Variants in ANKRD6 observed in about 807,000 individuals in gnomAD.
ANKRD6 encodes the protein ankyrin repeat domain 6.
Under a neutral mutation model 82.3 loss-of-function variants are expected in ANKRD6, and 56 were observed. The ratio of observed to expected loss-of-function variants is 0.68; its 90% CI spans 0.55 to 0.85. The LOEUF (loss-of-function observed/expected upper bound fraction) is 0.85, where lower values mean the gene tolerates loss of function less well. Ranked by LOEUF, ANKRD6 falls within the 40% of genes least tolerant of loss-of-function variation. The probability of loss-of-function intolerance (pLI) is 0.00; values close to 1 mark genes in which losing one functional copy is unlikely to be tolerated. For synonymous variants in ANKRD6, 347 were observed against 352.1 expected, an observed-to-expected ratio of 0.99 and a Z score of 0.16; for missense variants, 852 against 907.6, an observed-to-expected ratio of 0.94 and a Z score of 0.79.
intron 1 of ANKRD6, among the ~76,000 whole-genome samples, chr6:89,506,426 T>C (rs34238758): frequency 6.6e-6 from 1 of 152,206 alleles, no homozygotes; most frequent in Admixed American, 6.5e-5. Context: ...GCTATTCTTC[T>C]GCTTCAGCCT....
At chr6:89,629,526 A>C in intron 15 of ANKRD6, 1 of 407,554 alleles carries the variant, frequency 2.5e-6, no homozygotes, top group Non-Finnish European at 4.7e-6. Context: ...ATCAGAGTGG[A>C]CCCCAAAGAT....
intron 1 of ANKRD6, among the ~76,000 whole-genome samples, chr6:89,451,473 C>T (rs1030571905): frequency 4.6e-5 from 7 of 152,162 alleles, no homozygotes; most frequent in African/African-American, 1.7e-4. Context: ...TTCTCCCCTC[C>T]AAAATGTGTG....
At chr6:89,463,175 C>T (rs1004514175) in intron 1 of ANKRD6, among the ~76,000 whole-genome samples, 3 of 152,098 alleles carry the variant, frequency 2.0e-5, no homozygotes, top group Non-Finnish European at 4.4e-5. Flanking sequence ...GCTATAATTT[C>T]TAATATATAT....
At chr6:89,451,616 A>G (rs754880485) in intron 1 of ANKRD6, among the ~76,000 whole-genome samples, 20 of 152,156 alleles carry the variant, frequency 1.3e-4, no homozygotes, top group Non-Finnish European at 2.6e-4. Flanking sequence ...ACCAAAACCC[A>G]GTTTTGCCTT....
chr6:89,438,170 C>T (rs1228367912), intron 1 of ANKRD6, among the ~76,000 whole-genome samples: 1 of 152,198 alleles, frequency 6.6e-6, no homozygotes, highest in Non-Finnish European at 1.5e-5. Context: ...ATTCTGTATG[C>T]TGTAAGGTAG....
At chr6:89,589,549 A>G (rs143787874) in intron 2 of ANKRD6, among the ~76,000 whole-genome samples, 2 of 152,304 alleles carry the variant, frequency 1.3e-5, no homozygotes, top group African/African-American at 4.8e-5. Context: ...CATTATCTTA[A>G]CGGGAATTCT....
intron 1 of ANKRD6, among the ~76,000 whole-genome samples, chr6:89,552,233 A>C (rs142447416): frequency 6.6e-6 from 1 of 152,218 alleles, no homozygotes; most frequent in East Asian, 1.9e-4. Context: ...CATGTCCTCC[A>C]CCTAACTGGA....
In ANKRD6 at chr6:89,470,592, G is replaced by A. The variant is rs181472461; in HGVS notation, c.-144+37217G>A. Among the ~76,000 whole-genome samples, 333 of 152,120 alleles carry A rather than the reference G, an allele frequency of 2.2e-3. 3 individuals are homozygous for A. Among genetic ancestry groups the A allele is most frequent in the African/African-American group, 7.7e-3 (319 of 41,504 alleles). On this transcript the variant is annotated intron_variant, in intron 1 of 15. Transcript: ENST00000339746. ...GCTGAGATCGTGCCACTGCAGCCTA[G>A]GTGACAAAGTGAGACCCTGCCTCAA...
intron 1 of ANKRD6, among the ~76,000 whole-genome samples, chr6:89,470,595 G>A (rs769308692): frequency 1.3e-5 from 2 of 151,762 alleles, no homozygotes; most frequent in Non-Finnish European, 2.9e-5. Flanking sequence ...CAGCCTAGGT[G>A]ACAAAGTGAG....
At chr6:89,605,716 T>C (rs1212808000) in intron 4 of ANKRD6, among the ~76,000 whole-genome samples, 1 of 152,168 alleles carries the variant, frequency 6.6e-6, no homozygotes, top group East Asian at 1.9e-4. Flanking sequence ...CTCTCTCAAC[T>C]GGGGTTCCTA....
rs1227274602 is a variant in ANKRD6 at position 89,445,264 on chromosome 6, C to CTTTTTTT, written c.-144+11907_-144+11913dup. Among the ~76,000 whole-genome samples, 23 of 64,082 alleles carry CTTTTTTT rather than the reference C, an allele frequency of 3.6e-4. 1 individual carries two copies. Among genetic ancestry groups the CTTTTTTT allele is most frequent in the Admixed American group, 7.0e-4 (3 of 4,264 alleles). 42.0% of individuals were successfully genotyped at this position (64,082 alleles called of 152,430 possible). On this transcript the variant is annotated intron_variant, in intron 1 of 15. Coordinates refer to ENST00000339746, the MANE Select transcript of ANKRD6 (RefSeq NM_001242809.2). Reference sequence around the variant, plus strand: ...CGGTGATCTGTGATCAGAGATCTTTCTTTTTTTTTTTTTTTTTTTTTTTTG... The same window carrying CTTTTTTT: ...CGGTGATCTGTGATCAGAGATCTTTCTTTTTTTTTTTTTTTTTTTTTTTTTTTTTTTG...
At chr6:89,511,232 A>G (rs1780511919) in intron 1 of ANKRD6, among the ~76,000 whole-genome samples, 1 of 152,120 alleles carries the variant, frequency 6.6e-6, no homozygotes, top group Non-Finnish European at 1.5e-5. Flanking sequence ...TTCTCCTCTC[A>G]GGTTCCTGGC....
At chr6:89,488,888 C>CTATTCTATTG (rs1473987109) in intron 1 of ANKRD6, among the ~76,000 whole-genome samples, 1 of 151,584 alleles carries the variant, frequency 6.6e-6, no homozygotes, top group African/African-American at 2.4e-5. Flanking sequence ...CTATTCTATT[C>CTATTCTATTG]TATTCTATTC....
chr6:89,495,199 C>T (rs113772454), intron 1 of ANKRD6, among the ~76,000 whole-genome samples: 23,212 of 152,192 alleles, frequency 0.15, 2,093 homozygotes, highest in South Asian at 0.36. Flanking sequence ...TGCCACTGCA[C>T]GCCAGCCTGG....
At chr6:89,544,475 G>A (rs1023719877) in intron 1 of ANKRD6, among the ~76,000 whole-genome samples, 2 of 152,140 alleles carry the variant, frequency 1.3e-5, no homozygotes, top group Non-Finnish European at 2.9e-5. Flanking sequence ...CAGCACTTTG[G>A]AGGCCAAGGC....
At position 89,473,814 on chromosome 6, in the gene ANKRD6, A is replaced by G. The variant is rs1349760250; in HGVS notation, c.-144+40439A>G. Among the ~76,000 whole-genome samples the G allele has an allele frequency of 2.0e-5, 3 of 151,730 alleles. No homozygotes were observed. The East Asian group carries it at 5.8e-4, about 30-fold the overall frequency. On this transcript the variant is annotated intron_variant, in intron 1 of 15. Coordinates refer to ENST00000339746, the MANE Select transcript of ANKRD6 (RefSeq NM_001242809.2). Reference sequence around the variant, plus strand: ...GTCAACATGGTGAAACCTCATCTCTACTTAAAAAAAAAAAAATTAGCAGGA... The same window carrying G: ...GTCAACATGGTGAAACCTCATCTCTGCTTAAAAAAAAAAAAATTAGCAGGA...
At chr6:89,506,274 T>C (rs1240938314) in intron 1 of ANKRD6, among the ~76,000 whole-genome samples, 1 of 152,216 alleles carries the variant, frequency 6.6e-6, no homozygotes, top group Non-Finnish European at 1.5e-5. Context: ...CATTTAGGAA[T>C]GTATGCATAT....
intron 1 of ANKRD6, among the ~76,000 whole-genome samples, chr6:89,496,576 G>A (rs1162476149): frequency 2.0e-5 from 3 of 152,134 alleles, no homozygotes; most frequent in Non-Finnish European, 4.4e-5. Context: ...AGGCTGGAGT[G>A]CAGTGGTGCG....
Position 89,623,391 on chromosome 6 carries a change from G to T in ANKRD6, c.898-19G>T. The T allele has an allele frequency of 1.2e-6, 2 of 1,604,762 alleles. No homozygotes were observed. Among genetic ancestry groups the T allele is most frequent in the Non-Finnish European group, 1.7e-6 (2 of 1,176,764 alleles). ...AAGGAAGCAAACACAATGGGTCTCT[G>T]GGCTTTTTCCTTCTGTAGGGCAGTG... On this transcript the variant is annotated intron_variant, in intron 10 of 15. Coordinates refer to ENST00000339746, the MANE Select transcript of ANKRD6 (RefSeq NM_001242809.2).
Sources: gnomAD v4.1 joint callset for allele counts (sites outside exome capture counted in the v4.1 genomes callset) on GRCh38, gnomAD v4.1.1 for gene constraint, MANE v1.5 for transcripts, NCBI Gene and HGNC (gene_info 2026-07-23, HGNC 2026-07-21) for gene names.